SOX5: variants seen among roughly 807,000 people sequenced by gnomAD.
The protein encoded by SOX5 is SRY-box transcription factor 5, also known as transcription factor SOX-5.
A neutral mutation model predicts 92.0 loss-of-function variants in SOX5; 9 were observed. That is an observed-to-expected ratio of 0.10 (90% CI 0.06 to 0.17). The LOEUF is 0.17. SOX5 is among the 10% of genes least tolerant of loss of function. The pLI is 1.00. For missense variants in SOX5, 642 were observed against 944.5 expected (o/e 0.68, Z 4.20); for synonymous variants, 344 against 336.3 (o/e 1.02, Z -0.25).
intron 2 of SOX5, among the ~76,000 whole-genome samples, chr12:24,355,574 T>C (rs1229630605): frequency 5.9e-5 from 9 of 152,152 alleles, no homozygotes; most frequent in Non-Finnish European, 1.3e-4. Context: ...CCCACTGTGT[T>C]TAATATGCCA....
At chr12:23,695,713 G>A (rs1055545334) in intron 6 of SOX5, among the ~76,000 whole-genome samples, 11 of 151,976 alleles carry the variant, frequency 7.2e-5, no homozygotes, top group African/African-American at 2.2e-4. Context: ...AGGCCAAGGC[G>A]AGTGGATCAC....
Position 23,978,236 on chromosome 12 carries a change from G to A in SOX5, c.-1-82212C>T, listed in dbSNP as rs1343796421. On this transcript the variant is annotated intron_variant, in intron 4 of 4. Transcript: ENST00000446891. ...TCAATGTCCAAAAATTTGTCTTTCA[G>A]TCATAAAAAATATCATGTTGCACAT... Among the ~76,000 whole-genome samples the A allele has an allele frequency of 5.9e-5, 9 of 152,082 alleles. No individual in the cohort carries two copies. In the East Asian group the frequency reaches 1.7e-3, roughly 29 times the overall value.
chr12:23,659,321 C>T (rs529882869), intron 7 of SOX5, among the ~76,000 whole-genome samples: 17 of 152,208 alleles, frequency 1.1e-4, no homozygotes, highest in African/African-American at 3.4e-4. Flanking sequence ...AATTTTATTG[C>T]GGTGTATGAG....
chr12:24,401,708 TAAAAAAAAAAAAAA>T (rs71063321), intron 1 of SOX5, among the ~76,000 whole-genome samples: 2 of 99,462 alleles, frequency 2.0e-5, no homozygotes, highest in African/African-American at 3.9e-5. Context: ...ACCCTATCTT[TAAAAAAAAAAAAAA>T]AAAAAAAAAA....
At chr12:24,358,177 A>T (rs902459144) in intron 2 of SOX5, among the ~76,000 whole-genome samples, 1 of 152,252 alleles carries the variant, frequency 6.6e-6, no homozygotes, top group African/African-American at 2.4e-5. Context: ...ATCTTATTGA[A>T]AATCACCAAT....
At chr12:24,012,920 G>A (rs1017958202) in intron 4 of SOX5, among the ~76,000 whole-genome samples, 1 of 152,066 alleles carries the variant, frequency 6.6e-6, no homozygotes, top group African/African-American at 2.4e-5. Context: ...AGAAGCAATA[G>A]GAACTATTGA....
At chr12:24,358,078 A>G (rs571212766) in intron 2 of SOX5, among the ~76,000 whole-genome samples, 5 of 152,268 alleles carry the variant, frequency 3.3e-5, no homozygotes, top group African/African-American at 1.2e-4. Flanking sequence ...TCCAATAAAT[A>G]TTTGTTGAAT....
intron 13 of SOX5, among the ~76,000 whole-genome samples, chr12:23,537,075 T>A (rs1424707981): frequency 6.6e-6 from 1 of 152,122 alleles, no homozygotes; most frequent in African/African-American, 2.4e-5. Context: ...GTGGGAGATG[T>A]TTTTTACTAC....
rs564028393 is a variant in SOX5, at chr12:23,775,541, G to C, written c.482-19817C>G. On this transcript the variant is annotated intron_variant, in intron 3 of 14. Coordinates refer to ENST00000451604, the MANE Select transcript of SOX5 (RefSeq NM_006940.6). ...TGCAATACCATTCTGAGCTCCTGTT[G>C]GTGATGATTTCTGAGTTTTCCAGGG... Among the ~76,000 whole-genome samples the C allele has an allele frequency of 4.6e-5, 7 of 152,288 alleles. No homozygotes were observed. The South Asian group carries it at 1.4e-3, about 32-fold the overall frequency.
At chr12:24,468,184 A>G (rs1424124644) in intron 1 of SOX5, among the ~76,000 whole-genome samples, 1 of 152,172 alleles carries the variant, frequency 6.6e-6, no homozygotes, top group Non-Finnish European at 1.5e-5. Context: ...GGGTTCTGGA[A>G]CGAGGTAGGG....
intron 1 of SOX5, among the ~76,000 whole-genome samples, chr12:23,945,762 C>T (rs1217913807): frequency 6.6e-6 from 1 of 152,104 alleles, no homozygotes. Context: ...GAACAGATAA[C>T]TTTTCTGTGA....
upstream of SOX5, among the ~76,000 whole-genome samples, chr12:23,952,225 A>T (rs1284986843): frequency 3.9e-5 from 6 of 152,148 alleles, no homozygotes; most frequent in Non-Finnish European, 8.8e-5. Context: ...GGAGGAGAGG[A>T]CGCAGAGAGA....
intron 1 of SOX5, among the ~76,000 whole-genome samples, chr12:24,492,409 A>C (rs1947184894): frequency 6.6e-6 from 1 of 152,200 alleles, no homozygotes; most frequent in Non-Finnish European, 1.5e-5. Flanking sequence ...AAATTAATGT[A>C]AATTGCATAC....
chr12:24,384,737 C>T (rs559273303), intron 1 of SOX5, among the ~76,000 whole-genome samples: 4 of 152,272 alleles, frequency 2.6e-5, no homozygotes, highest in African/African-American at 9.6e-5. Context: ...GGGTGGAGGA[C>T]ATGAACGGAA....
intron 1 of SOX5, among the ~76,000 whole-genome samples, chr12:24,544,256 AG>A (rs1369210933): frequency 6.6e-6 from 1 of 152,216 alleles, no homozygotes; most frequent in Non-Finnish European, 1.5e-5. Flanking sequence ...GAGTTTTACC[AG>A]GAAAGTGCTT....
At chr12:23,767,522 A>C (rs1293477682) in intron 3 of SOX5, among the ~76,000 whole-genome samples, 1 of 152,190 alleles carries the variant, frequency 6.6e-6, no homozygotes, top group Admixed American at 6.5e-5. Context: ...GCAGGACCAG[A>C]AATTACAAAT....
chr12:24,098,260 A>G (rs1498885), intron 4 of SOX5, among the ~76,000 whole-genome samples: 111,955 of 152,040 alleles, frequency 0.74, 42,001 homozygotes, highest in East Asian at 1. Context: ...GTCTATAAAC[A>G]ACCTTTAATA....
chr12:24,234,635 C>T (rs562084393), intron 3 of SOX5, among the ~76,000 whole-genome samples: 32 of 152,300 alleles, frequency 2.1e-4, no homozygotes, highest in African/African-American at 7.2e-4. Context: ...ACCTCAGCCT[C>T]CCAAAGTGCT....
intron 8 of SOX5, among the ~76,000 whole-genome samples, chr12:23,626,916 A>G (rs2077897137): frequency 6.6e-6 from 1 of 152,150 alleles, no homozygotes; most frequent in African/African-American, 2.4e-5. Flanking sequence ...AGTAGGATAT[A>G]AAGAACTCCC....
Sources: allele counts gnomAD v4.1 joint callset (sites outside exome capture counted in the v4.1 genomes callset), GRCh38; gene constraint gnomAD v4.1.1; transcripts MANE v1.5; gene names NCBI Gene and HGNC (gene_info 2026-07-23, HGNC 2026-07-21).